ERBB4: variants seen among roughly 807,000 people sequenced by gnomAD.
The protein encoded by ERBB4 is receptor tyrosine-protein kinase erbB-4.
Under a neutral mutation model 158.0 loss-of-function variants are expected in ERBB4, and 42 were observed. The observed-to-expected ratio is 0.27, with a 90% confidence interval of 0.21 to 0.34. ERBB4 has a LOEUF of 0.34. Among genes scored for constraint, ERBB4 ranks in the 10% least tolerant of loss-of-function variants. The pLI, the probability that ERBB4 is intolerant of heterozygous loss-of-function variation, is 1.00. For synonymous variants in ERBB4, 583 were observed against 558.7 expected (o/e 1.04, Z -0.61); for missense variants, 1,333 against 1,624.1 (o/e 0.82, Z 3.08).
At chr2:212,223,402 ATATT>A (rs2083368933) in intron 1 of ERBB4, among the ~76,000 whole-genome samples, 1 of 141,046 alleles carries the variant, frequency 7.1e-6, no homozygotes, top group African/African-American at 2.6e-5. Context: ...ATCTTCATAT[ATATT>A]TATCAAATAT....
In ERBB4 at chr2:212,297,716, C is replaced by T. The variant is rs2086464598; in HGVS notation, c.83-172813G>A. 2.6e-5 allele frequency among the ~76,000 whole-genome samples: 4 copies of T among 151,394 alleles called. No homozygotes were observed. The South Asian group carries it at 8.3e-4, about 31-fold the overall frequency. On this transcript the variant is annotated intron_variant, in intron 1 of 27. Transcript: ENST00000342788. ...TAATCTCAAATAAAGTAAATATTTCCAGAAAACCTAGAAAGATGATGAAAA... is the reference window on the plus strand; with the variant it reads ...TAATCTCAAATAAAGTAAATATTTCTAGAAAACCTAGAAAGATGATGAAAA...
At chr2:212,191,974 TTA>T (rs1408935440) in intron 1 of ERBB4, among the ~76,000 whole-genome samples, 16 of 105,194 alleles carry the variant, frequency 1.5e-4, no homozygotes, top group East Asian at 4.9e-4. Context: ...ATGTTATATG[TTA>T]TATATGTTAT....
At chr2:211,969,395 T>A (rs2081391108) in intron 2 of ERBB4, among the ~76,000 whole-genome samples, 1 of 152,090 alleles carries the variant, frequency 6.6e-6, no homozygotes, top group Non-Finnish European at 1.5e-5. Context: ...ATCTATGGTT[T>A]ATCATATGTA....
chr2:211,721,574 C>G (rs1559457124), intron 7 of ERBB4, among the ~76,000 whole-genome samples: 1 of 143,618 alleles, frequency 7.0e-6, no homozygotes, highest in Non-Finnish European at 1.5e-5. Context: ...TTTAACATAC[C>G]CTTTATATAT....
intron 1 of ERBB4, among the ~76,000 whole-genome samples, chr2:212,132,779 G>T (rs532506257): frequency 6.6e-6 from 1 of 152,124 alleles, no homozygotes; most frequent in East Asian, 1.9e-4. Context: ...ATCTCTATGT[G>T]TGTGTGCGCG....
intron 1 of ERBB4, among the ~76,000 whole-genome samples, chr2:212,417,752 T>C (rs1262952741): frequency 2.0e-5 from 3 of 152,040 alleles, no homozygotes; most frequent in East Asian, 1.9e-4. Context: ...CTATGTACTA[T>C]AACAGATCCT....
chr2:212,012,560 G>A (rs554720187), intron 2 of ERBB4, among the ~76,000 whole-genome samples: 18 of 151,782 alleles, frequency 1.2e-4, no homozygotes, highest in East Asian at 1.9e-4. Flanking sequence ...GACCACAGGC[G>A]CTTGCCGCCA....
At chr2:211,971,563 A>G (rs927741009) in intron 2 of ERBB4, among the ~76,000 whole-genome samples, 2 of 152,186 alleles carry the variant, frequency 1.3e-5, no homozygotes, top group African/African-American at 4.8e-5. Flanking sequence ...TGAGACCAGT[A>G]TCATCCTGAT....
At chr2:211,986,528 A>T (rs1048789306) in intron 2 of ERBB4, among the ~76,000 whole-genome samples, 1 of 152,320 alleles carries the variant, frequency 6.6e-6, no homozygotes, top group East Asian at 1.9e-4. Flanking sequence ...CGTGAGAGGA[A>T]GCCTTACATC....
intron 16 of ERBB4, among the ~76,000 whole-genome samples, chr2:211,657,335 C>A (rs1025454388): frequency 5.3e-5 from 8 of 151,920 alleles, no homozygotes; most frequent in Non-Finnish European, 1.2e-4. Context: ...ATGGTGAAAA[C>A]CCATCTCTAC....
chr2:211,605,486 C>T (rs2068947553), intron 19 of ERBB4, among the ~76,000 whole-genome samples: 1 of 152,070 alleles, frequency 6.6e-6, no homozygotes, highest in African/African-American at 2.4e-5. Flanking sequence ...AATCTGAAGT[C>T]AACTAAAGTC....
chr2:212,001,724 C>A (rs2076110057), intron 2 of ERBB4, among the ~76,000 whole-genome samples: 1 of 152,118 alleles, frequency 6.6e-6, no homozygotes, highest in Non-Finnish European at 1.5e-5. Context: ...AGAAAAAGAA[C>A]TGTGAAAAGA....
rs5838307 is a variant in ERBB4 at position 212,194,291 on chromosome 2, T to TACACACACACACACACACACACAC, written c.83-69412_83-69389dup. Among the ~76,000 whole-genome samples, 3 of 148,836 alleles carry TACACACACACACACACACACACAC rather than the reference T, an allele frequency of 2.0e-5. No homozygotes were observed. In the South Asian group the frequency reaches 6.5e-4, roughly 32 times the overall value. On this transcript the variant is annotated intron_variant, in intron 1 of 27. Transcript: ENST00000342788. ...ATTTATATATAGTTTAAATAGTTTA[T>TACACACACACACACACACACACAC]ACACACACACACACACACACACACA...
At chr2:211,713,486 C>T (rs777252277) in intron 8 of ERBB4, 49 bp downstream of exon 8, 1 of 1,160,290 alleles carries the variant, frequency 8.6e-7, no homozygotes, top group East Asian at 2.3e-5. Flanking sequence ...AATTAAAAAC[C>T]TTGTTATATA....
chr2:212,270,687 T>G (rs2085309352), intron 1 of ERBB4, among the ~76,000 whole-genome samples: 1 of 151,766 alleles, frequency 6.6e-6, no homozygotes, highest in Non-Finnish European at 1.5e-5. Flanking sequence ...TAAACCACCA[T>G]GTAACAAGTC....
At chr2:211,643,287 C>A (rs1318180915) in intron 16 of ERBB4, among the ~76,000 whole-genome samples, 1 of 152,114 alleles carries the variant, frequency 6.6e-6, no homozygotes, top group Non-Finnish European at 1.5e-5. Context: ...CTACTTCTGT[C>A]CTTGGATCTA....
At chr2:211,987,205 CA>C (rs2081959655) in intron 2 of ERBB4, among the ~76,000 whole-genome samples, 1 of 151,676 alleles carries the variant, frequency 6.6e-6, no homozygotes, top group Non-Finnish European at 1.5e-5. Context: ...CCTGTAGTCC[CA>C]GCTTCTTGGG....
chr2:212,090,203 C>T lies in ERBB4; in HGVS notation c.234+34549G>A, dbSNP rs149210969. On this transcript the variant is annotated intron_variant, in intron 2 of 27. Transcript: ENST00000342788. The stretch of plus-strand genomic sequence containing the variant: ...GAAAATAAACTCTACCAAATCTCCT[C>T]TAAAGATAATTCCCGTCAAGGAACT... Among the ~76,000 whole-genome samples the T allele has an allele frequency of 6.4e-4, 95 of 148,528 alleles. No homozygotes were observed. The East Asian group carries it at 0.018, about 29-fold the overall frequency.
In ERBB4 at chr2:211,772,955, ATT is replaced by A. The variant is rs1328976588; in HGVS notation, c.556+15068_556+15069del. On this transcript the variant is annotated intron_variant, in intron 4 of 27. Transcript: ENST00000342788. ...TATATATATATATATATATATATAT[ATT>A]TTTTTTTTTAAAGATGGGGTCCTAC... 7.0e-4 allele frequency among the ~76,000 whole-genome samples: 58 copies of A among 83,294 alleles called. 2 individuals carry two copies. The highest frequency in any genetic ancestry group is 2.7e-3 in the African/African-American group (50 of 18,328). 54.6% of individuals were successfully genotyped at this position (83,294 alleles called of 152,430 possible). A position where few individuals can be genotyped will look rare whatever the true frequency, so the allele number is the denominator to read the frequency against.
Sources: allele counts gnomAD v4.1 joint callset (sites outside exome capture counted in the v4.1 genomes callset), GRCh38; gene constraint gnomAD v4.1.1; transcripts MANE v1.5; gene names NCBI Gene and HGNC (gene_info 2026-07-23, HGNC 2026-07-21).